Variants in NOX3 observed in about 807,000 individuals in gnomAD.
NOX3 encodes the protein NADPH oxidase 3.
Under a neutral mutation model 76.7 loss-of-function variants are expected in NOX3, and 74 were observed. That is an observed-to-expected ratio of 0.96 (90% CI 0.80 to 1.17). The LOEUF (loss-of-function observed/expected upper bound fraction) is 1.17. Among genes scored for constraint, NOX3 ranks in the 50% most tolerant of loss-of-function variants. NOX3 has a pLI of 0.00. For synonymous variants in NOX3, 263 were observed against 261.1 expected (o/e 1.01, Z -0.07); for missense variants, 695 against 703.3 (o/e 0.99, Z 0.13).
chr6:155,443,470 T>C (rs747453419), intron 4 of NOX3, 52 bp from the exon 5 acceptor site: 6 of 1,581,040 alleles, frequency 3.8e-6, no homozygotes, highest in Non-Finnish European at 3.4e-6. Flanking sequence ...GCTTTCTCCC[T>C]AGTTACTAAA....
At chr6:155,399,731 T>C (rs1354740735) in intron 12 of NOX3, among the ~76,000 whole-genome samples, 1 of 77,488 alleles carries the variant, frequency 1.3e-5, no homozygotes, top group South Asian at 4.0e-4. Context: ...GCAGCTTCCC[T>C]TTTTTTTTTT....
intron 12 of NOX3, among the ~76,000 whole-genome samples, chr6:155,401,901 A>C (rs1458854394): frequency 6.6e-6 from 1 of 152,200 alleles, no homozygotes; most frequent in African/African-American, 2.4e-5. Context: ...CAAAAGTAGA[A>C]AACTACAAAT....
At chr6:155,415,095 C>A (rs546856423) in intron 10 of NOX3, among the ~76,000 whole-genome samples, 1 of 152,134 alleles carries the variant, frequency 6.6e-6, no homozygotes, top group Non-Finnish European at 1.5e-5. Context: ...TTGCAAGGGG[C>A]TTGGGTCTGA....
At position 155,452,312 on chromosome 6, in the gene NOX3, G is replaced by A. The variant is rs115453733; in HGVS notation, c.340+1092C>T. On this transcript the variant is annotated intron_variant, in intron 4 of 13. Transcript: ENST00000159060. ...TTCATGCATTCGCTCATTCATGAAC[G>A]GTTATTGGTGCCTACGCATACTCAG... Among the ~76,000 whole-genome samples the A allele has an allele frequency of 3.2e-3, 482 of 152,272 alleles. 3 individuals carry two copies. The highest frequency in any genetic ancestry group is 9.7e-3 in the African/African-American group (402 of 41,546).
In NOX3 at chr6:155,440,003, G is replaced by C; in HGVS notation, c.621C>G (p.His207Gln). Residue 207 changes from histidine (H) to glutamine (Q), a missense_variant, in exon 6 of 14, where the codon CAC becomes CAG. His to Gln is a conservative substitution (Grantham distance 24). Coordinates refer to ENST00000159060, the MANE Select transcript of NOX3 (RefSeq NM_015718.3). ...QASYELFWYT[H>Q]HVFIVFFLSL... is the part of the protein sequence containing the mutation. ...TGAGAAAGAAGACGATGAAAACATG[G>C]TGTGTGTACCAGAACAACTCATAGG... is the stretch of plus-strand genomic sequence containing the variant. 11 of 1,613,944 alleles carry C rather than the reference G, an allele frequency of 6.8e-6. No homozygotes were observed. Among genetic ancestry groups the C allele is most frequent in the Non-Finnish European group, 8.5e-6 (10 of 1,179,948 alleles).
At chr6:155,409,266 C>T (rs748279805) in intron 11 of NOX3, among the ~76,000 whole-genome samples, 11 of 151,996 alleles carry the variant, frequency 7.2e-5, no homozygotes, top group South Asian at 4.2e-4. Context: ...GGGGAGAGAA[C>T]GAGCAAAGCC....
At chr6:155,445,911 C>T (rs1289478116) in intron 4 of NOX3, among the ~76,000 whole-genome samples, 3 of 134,582 alleles carry the variant, frequency 2.2e-5, no homozygotes, top group Non-Finnish European at 3.1e-5. Context: ...TATATATATG[C>T]TATAGATATA....
rs1023101400 is a variant in NOX3 at position 155,431,063 on chromosome 6, A to G, written c.799-128T>C. ...TTTTTCCTTTAACTTTGGGCCAGTTATCAGCAACAAAGATGTCTCCTTGTA... is the reference window on the plus strand; with the variant it reads ...TTTTTCCTTTAACTTTGGGCCAGTTGTCAGCAACAAAGATGTCTCCTTGTA... On this transcript the variant is annotated intron_variant, in intron 7 of 13. Coordinates refer to ENST00000159060, the MANE Select transcript of NOX3 (RefSeq NM_015718.3). 11 of 608,456 alleles carry G rather than the reference A, an allele frequency of 1.8e-5. No individual in the cohort carries two copies. The African/African-American group carries it at 2.0e-4, about 11-fold the overall frequency. The allele number at this position is 608,456 out of a possible 1,614,324, so 37.7% of individuals were successfully genotyped here. A position where few individuals can be genotyped will look rare whatever the true frequency, so the allele number is the denominator to read the frequency against.
Position 155,455,752 on chromosome 6 carries a change from C to A in NOX3, c.48+1G>T. 1 of 1,610,422 alleles carries A rather than the reference C, an allele frequency of 6.2e-7. No homozygotes were observed. The highest frequency in any genetic ancestry group is 8.5e-7 in the Non-Finnish European group (1 of 1,176,690). On this transcript the variant is annotated splice_donor_variant, in intron 1 of 13. Transcript: ENST00000159060. LOFTEE classifies it high-confidence loss of function. ...AGTTGAATAACAAAAATGATACTTA[C>A]TACTAATATGGTGGAGAGACCCTCA...
chr6:155,396,705 T>C (rs888151652), intron 13 of NOX3, 104 bp downstream of exon 13: 4 of 819,558 alleles, frequency 4.9e-6, no homozygotes, highest in East Asian at 2.9e-5. Flanking sequence ...AGTTCAGTAG[T>C]TGAGAGTCGG....
chr6:155,417,406 G>A (rs1776634822), intron 10 of NOX3, among the ~76,000 whole-genome samples: 1 of 152,294 alleles, frequency 6.6e-6, no homozygotes, highest in East Asian at 1.9e-4. Flanking sequence ...TATTTCATTG[G>A]ACTCTTTTGC....
chr6:155,454,481 G>A (rs1350474636), intron 3 of NOX3, among the ~76,000 whole-genome samples: 1 of 152,194 alleles, frequency 6.6e-6, no homozygotes. Flanking sequence ...GGTGGCGTTT[G>A]TCTCAAAAGC....
chr6:155,411,643 T>C (rs1165859911), intron 10 of NOX3, among the ~76,000 whole-genome samples: 1 of 152,236 alleles, frequency 6.6e-6, no homozygotes, highest in African/African-American at 2.4e-5. Flanking sequence ...TTTCTGGCTG[T>C]GCTGCTTCTG....
At chr6:155,445,829 T>C (rs1448049504) in intron 4 of NOX3, among the ~76,000 whole-genome samples, 3 of 149,024 alleles carry the variant, frequency 2.0e-5, no homozygotes, top group African/African-American at 7.4e-5. Flanking sequence ...AATCTATAAA[T>C]ACAACCTTGT....
rs554698894 is a variant in NOX3 at position 155,397,066 on chromosome 6, T to C, written c.1581-104A>G. The C allele has an allele frequency of 6.3e-5, 69 of 1,089,002 alleles. No individual in the cohort carries two copies. In the Admixed American group the frequency reaches 1.8e-3, roughly 28 times the overall value. The allele number at this position is 1,089,002 out of a possible 1,614,324, so 67.5% of individuals were successfully genotyped here. On this transcript the variant is annotated intron_variant, in intron 12 of 13. Coordinates refer to ENST00000159060, the MANE Select transcript of NOX3 (RefSeq NM_015718.3). ...AATGAAGTGGTTGTGGCTTTACTTA[T>C]TTATTTTTCTCCCTCCATGTCGTTT...
At chr6:155,402,775 T>C (rs1222388889) in intron 12 of NOX3, among the ~76,000 whole-genome samples, 3 of 152,218 alleles carry the variant, frequency 2.0e-5, no homozygotes, top group Non-Finnish European at 4.4e-5. Context: ...GTAAATATTT[T>C]TGAAAGAGTA....
At chr6:155,397,157 C>G (rs1779150558) in intron 12 of NOX3, among the ~76,000 whole-genome samples, 195 bp from the exon 13 acceptor site, 1 of 151,990 alleles carries the variant, frequency 6.6e-6, no homozygotes, top group African/African-American at 2.4e-5. Context: ...CCAGCATCCT[C>G]CCCTAAATTA....
At chr6:155,439,417 T>C (rs1776952084) in intron 6 of NOX3, among the ~76,000 whole-genome samples, 1 of 152,100 alleles carries the variant, frequency 6.6e-6, no homozygotes, top group Non-Finnish European at 1.5e-5. Flanking sequence ...ACGGGATGTC[T>C]GAGGAAAATG....
chr6:155,414,218 A>G (rs1163772275), intron 10 of NOX3, among the ~76,000 whole-genome samples: 1 of 152,194 alleles, frequency 6.6e-6, no homozygotes, highest in African/African-American at 2.4e-5. Flanking sequence ...AGCAAAAGGT[A>G]TTTACTTTGA....
Sources: allele counts gnomAD v4.1 joint callset (sites outside exome capture counted in the v4.1 genomes callset), GRCh38; gene constraint gnomAD v4.1.1; transcripts MANE v1.5; gene names NCBI Gene and HGNC (gene_info 2026-07-23, HGNC 2026-07-21).